CYP4Z1: variants seen among roughly 807,000 people sequenced by gnomAD.
CYP4Z1 encodes the protein cytochrome P450 4Z1.
A neutral mutation model predicts 54.2 loss-of-function variants in CYP4Z1; 41 were observed. That is an observed-to-expected ratio of 0.76 (90% confidence interval 0.59 to 0.98). CYP4Z1 has a LOEUF of 0.98. CYP4Z1 is among the 50% of genes least tolerant of loss of function. The pLI is 0.00. For missense variants in CYP4Z1, 513 were observed against 599.0 expected, an observed-to-expected ratio of 0.86 and a Z score of 1.50; for synonymous variants, 163 against 206.2, an observed-to-expected ratio of 0.79 and a Z score of 1.79.
chr1:47,104,587 C>G (rs1644743913), intron 8 of CYP4Z1, among the ~76,000 whole-genome samples: 1 of 152,134 alleles, frequency 6.6e-6, no homozygotes. Flanking sequence ...AGGCCAGTCC[C>G]CAGCCCGCAG....
At chr1:47,111,291 C>T (rs1644790544) in intron 9 of CYP4Z1, among the ~76,000 whole-genome samples, 1 of 152,028 alleles carries the variant, frequency 6.6e-6, no homozygotes, top group African/African-American at 2.4e-5. Context: ...TCAAGCAATT[C>T]TCCTGCCTCC....
intron 2 of CYP4Z1, among the ~76,000 whole-genome samples, chr1:47,069,104 T>G (rs1285275109): frequency 6.6e-6 from 1 of 152,262 alleles, no homozygotes. Context: ...TTGCTTACAA[T>G]TGGCTTAACG....
chr1:47,086,516 C>A (rs1041200084), intron 6 of CYP4Z1, among the ~76,000 whole-genome samples: 1 of 152,160 alleles, frequency 6.6e-6, no homozygotes, highest in South Asian at 2.1e-4. Flanking sequence ...CTGTTCATAT[C>A]CTTTGCCCAC....
At position 47,069,507 on chromosome 1, in the gene CYP4Z1, T is replaced by C. The variant is rs369611872; in HGVS notation, c.319+744T>C. ...ACCATCTCAGCTTTCTTCCTGGTAA[T>C]GGTGCAAGAAATGTCTGGCTATCCA... On this transcript the variant is annotated intron_variant, in intron 2 of 11. Transcript: ENST00000334194. Among the ~76,000 whole-genome samples the C allele has an allele frequency of 4.2e-3, 632 of 149,548 alleles. 1 individual carries two copies. Among genetic ancestry groups the C allele is most frequent in the South Asian group, 0.017 (72 of 4,324 alleles).
upstream of CYP4Z1, among the ~76,000 whole-genome samples, chr1:47,063,798 A>G (rs1035222564): frequency 3.3e-5 from 5 of 152,156 alleles, no homozygotes; most frequent in African/African-American, 9.7e-5. Context: ...AGAGAAATCT[A>G]AAATTTGGAA....
At chr1:47,063,618 A>C (rs181779613), upstream of CYP4Z1, among the ~76,000 whole-genome samples, 104 of 152,004 alleles carry the variant, frequency 6.8e-4, 1 homozygote, top group Admixed American at 5.7e-3. Flanking sequence ...CTCAGCAATA[A>C]AATCAAACAA....
At chr1:47,115,194 G>A (rs1489580252) in intron 9 of CYP4Z1, among the ~76,000 whole-genome samples, 1 of 152,016 alleles carries the variant, frequency 6.6e-6, no homozygotes, top group Admixed American at 6.6e-5. Context: ...ACTATCGCAA[G>A]GACAAAAAAC....
Position 47,118,279 on chromosome 1 carries a change from A to C in CYP4Z1, c.*345A>C, listed in dbSNP as rs1411488927. On this transcript the variant is annotated 3_prime_UTR_variant, in exon 12 of 12. Transcript: ENST00000334194. ...CTGCAAATATCTGCATGATAGCTTT[A>C]TTCTCAGTTATCTTTCCCCATAATA... is the stretch of plus-strand genomic sequence containing the variant. 1.1e-5 allele frequency: 2 copies of C among 176,484 alleles called. No homozygotes were observed. 10.9% of individuals were successfully genotyped at this position (176,484 alleles called of 1,614,324 possible). A position where few individuals can be genotyped will look rare whatever the true frequency, so the allele number is the denominator to read the frequency against.
chr1:47,115,369 C>A, intron 9 of CYP4Z1, 160 bp from the exon 10 acceptor site: 1 of 596,390 alleles, frequency 1.7e-6, no homozygotes, highest in East Asian at 3.4e-5. Context: ...ATGGGTGCAG[C>A]ACACCAACAT....
chr1:47,089,601 AT>A (rs1233104597), intron 6 of CYP4Z1, among the ~76,000 whole-genome samples: 1 of 152,232 alleles, frequency 6.6e-6, no homozygotes, highest in African/African-American at 2.4e-5. Flanking sequence ...GCCTATAGTT[AT>A]CCCCATTAAC....
At chr1:47,056,954 C>G in the CYP4Z1 span, among the ~76,000 whole-genome samples, 2 of 151,912 alleles carry the variant, frequency 1.3e-5, no homozygotes, top group African/African-American at 4.8e-5. Context: ...GAATTTGATC[C>G]TGTCATTATG....
the CYP4Z1 span, among the ~76,000 whole-genome samples, chr1:47,061,754 CT>C: frequency 2.0e-5 from 3 of 152,166 alleles, no homozygotes; most frequent in Non-Finnish European, 4.4e-5. Context: ...GACCAATATT[CT>C]TGATGAACAT....
chr1:47,085,569 GCTA>G (rs1644586377), intron 6 of CYP4Z1, among the ~76,000 whole-genome samples: 1 of 152,004 alleles, frequency 6.6e-6, no homozygotes, highest in Non-Finnish European at 1.5e-5. Flanking sequence ...TACTCTATCT[GCTA>G]CTAGTATGAT....
chr1:47,109,793 T>C (rs962194851), intron 9 of CYP4Z1, among the ~76,000 whole-genome samples: 4 of 152,178 alleles, frequency 2.6e-5, no homozygotes, highest in Admixed American at 2.0e-4. Flanking sequence ...ATTAATCTGC[T>C]TTTCATAAGT....
At chr1:47,055,824 G>C in the CYP4Z1 span, among the ~76,000 whole-genome samples, 70 of 151,956 alleles carry the variant, frequency 4.6e-4, no homozygotes, top group African/African-American at 1.6e-3. Context: ...TTCTTTATTA[G>C]TCTTGCTAGC....
At chr1:47,100,163 T>G (rs369759129) in intron 8 of CYP4Z1, among the ~76,000 whole-genome samples, 190 of 152,324 alleles carry the variant, frequency 1.2e-3, no homozygotes, top group African/African-American at 4.3e-3. Flanking sequence ...TTGCACAGGA[T>G]TCACTCATTT....
chr1:47,060,949 T>G, the CYP4Z1 span, among the ~76,000 whole-genome samples: 1 of 152,208 alleles, frequency 6.6e-6, no homozygotes, highest in Non-Finnish European at 1.5e-5. Flanking sequence ...GGCTCCTGAA[T>G]GACTTCTGAG....
intron 9 of CYP4Z1, among the ~76,000 whole-genome samples, chr1:47,112,919 T>C (rs1375731862): frequency 2.6e-5 from 4 of 152,106 alleles, no homozygotes; most frequent in Non-Finnish European, 5.9e-5. Flanking sequence ...AAAATATTAC[T>C]TCAGTGCCAT....
At chr1:47,116,601 TG>T in intron 10 of CYP4Z1, 48 bp from the exon 11 acceptor site, 1 of 1,230,088 alleles carries the variant, frequency 8.1e-7, no homozygotes, top group Non-Finnish European at 1.1e-6. Flanking sequence ...TTGTTTTTTG[TG>T]GGGGTGGGCT....
Sources: gnomAD v4.1 joint callset for allele counts (sites outside exome capture counted in the v4.1 genomes callset) on GRCh38, gnomAD v4.1.1 for gene constraint, MANE v1.5 for transcripts, NCBI Gene and HGNC (gene_info 2026-07-23, HGNC 2026-07-21) for gene names.